GAB2: variants seen among roughly 807,000 people sequenced by gnomAD.
GAB2 encodes the protein GRB2-associated-binding protein 2.
A neutral mutation model predicts 65.5 loss-of-function variants in GAB2; 26 were observed. The observed-to-expected ratio is 0.40, with a 90% CI of 0.29 to 0.55. The LOEUF (loss-of-function observed/expected upper bound fraction) is 0.55. Ranked by LOEUF, GAB2 falls within the 20% of genes least tolerant of loss-of-function variation. GAB2 has a pLI of 0.53. For missense variants in GAB2, 884 were observed against 875.8 expected, an observed-to-expected ratio of 1.01 and a Z score of -0.12; for synonymous variants, 321 against 329.6, an observed-to-expected ratio of 0.97 and a Z score of 0.28.
At chr11:78,220,819 T>A (rs1864386570) in intron 8 of GAB2, among the ~76,000 whole-genome samples, 1 of 152,184 alleles carries the variant, frequency 6.6e-6, no homozygotes, top group East Asian at 1.9e-4. Flanking sequence ...CAACAGTGGC[T>A]CTCCTGAGAC....
chr11:78,248,636 A>G (rs528222561), intron 3 of GAB2, among the ~76,000 whole-genome samples: 72 of 152,238 alleles, frequency 4.7e-4, no homozygotes, highest in African/African-American at 1.6e-3. Flanking sequence ...AAATGTATTT[A>G]CTCTCTACTA....
chr11:78,299,032 G>C (rs1006997121), intron 1 of GAB2, among the ~76,000 whole-genome samples: 3 of 152,104 alleles, frequency 2.0e-5, no homozygotes, highest in African/African-American at 7.2e-5. Flanking sequence ...GTCTCAACAG[G>C]GATTCAGATC....
chr11:78,260,036 T>G (rs549738555), intron 2 of GAB2, among the ~76,000 whole-genome samples: 1 of 152,348 alleles, frequency 6.6e-6, no homozygotes, highest in South Asian at 2.1e-4. Flanking sequence ...TAAACATTTG[T>G]GGATCAAAGT....
intron 1 of GAB2, among the ~76,000 whole-genome samples, chr11:78,300,397 A>T (rs1866962573): frequency 6.6e-6 from 1 of 152,086 alleles, no homozygotes; most frequent in South Asian, 2.1e-4. Context: ...CATTATGAAC[A>T]AAATAGCTAT....
chr11:78,357,897 A>G (rs1230632616), intron 1 of GAB2, among the ~76,000 whole-genome samples: 3 of 152,214 alleles, frequency 2.0e-5, no homozygotes, highest in Non-Finnish European at 4.4e-5. Context: ...CAATTCCTCA[A>G]GGATCTAGAA....
rs948039263 is a variant in GAB2 at position 78,219,196 on chromosome 11, C to A, written c.*76G>T. 4 of 1,371,440 alleles carry A rather than the reference C, an allele frequency of 2.9e-6. No individual in the cohort carries two copies. The highest frequency in any genetic ancestry group is 3.1e-6 in the Non-Finnish European group (3 of 979,850). The allele number at this position is 1,371,440 out of a possible 1,614,324, so 85.0% of individuals were successfully genotyped here. On this transcript the variant is annotated 3_prime_UTR_variant, in exon 10 of 10. Transcript: ENST00000361507. ...GAGAGGAGGTGGATGGGAGGAAGAACGGGAGAGGGGAGAGGGGAGATGGGA... is the reference window on the plus strand; with the variant it reads ...GAGAGGAGGTGGATGGGAGGAAGAAAGGGAGAGGGGAGAGGGGAGATGGGA...
intron 1 of GAB2, among the ~76,000 whole-genome samples, chr11:78,410,477 C>T (rs929699389): frequency 2.0e-5 from 3 of 152,158 alleles, no homozygotes; most frequent in African/African-American, 7.2e-5. Context: ...GCACTCCACC[C>T]CAGGTGACAG....
chr11:78,226,271 C>A (rs1468846425), intron 4 of GAB2, among the ~76,000 whole-genome samples, 194 bp downstream of exon 4: 1 of 152,178 alleles, frequency 6.6e-6, no homozygotes, highest in Non-Finnish European at 1.5e-5. Flanking sequence ...TAGACAACTA[C>A]TACTAACAGC....
intron 3 of GAB2, among the ~76,000 whole-genome samples, chr11:78,227,947 G>A (rs879666555): frequency 1.3e-5 from 2 of 152,154 alleles, no homozygotes; most frequent in Non-Finnish European, 2.9e-5. Context: ...TATGAAGAAT[G>A]GTTTCCTGTT....
chr11:78,221,982 G>C, intron 7 of GAB2, 123 bp downstream of exon 7: 1 of 740,776 alleles, frequency 1.3e-6, no homozygotes, highest in Non-Finnish European at 2.4e-6. Context: ...ATCGAGACAT[G>C]ATCAGCTAAT....
chr11:78,289,374 G>A (rs1442216539), intron 1 of GAB2, among the ~76,000 whole-genome samples: 1 of 152,124 alleles, frequency 6.6e-6, no homozygotes, highest in Non-Finnish European at 1.5e-5. Flanking sequence ...ATGAATCATG[G>A]ACTTAAACGT....
intron 2 of GAB2, among the ~76,000 whole-genome samples, chr11:78,257,076 A>G (rs1197062312): frequency 6.6e-6 from 1 of 151,844 alleles, no homozygotes. Flanking sequence ...CCTTTCCACA[A>G]TCACCCCTGG....
Position 78,219,047 on chromosome 11 carries a change from T to C in GAB2, c.*225A>G. ...AGGTGGGTGGAGGCATGGCCATTACTGATAAAAATCACAGCTGGGCCCCGA... is the reference window on the plus strand; with the variant it reads ...AGGTGGGTGGAGGCATGGCCATTACCGATAAAAATCACAGCTGGGCCCCGA... On this transcript the variant is annotated 3_prime_UTR_variant, in exon 10 of 10. Transcript: ENST00000361507. The C allele has an allele frequency of 1.9e-6, 1 of 538,698 alleles. No homozygotes were observed. Among genetic ancestry groups the C allele is most frequent in the South Asian group, 2.7e-5 (1 of 37,310 alleles). The allele number at this position is 538,698 out of a possible 1,614,324, so 33.4% of individuals were successfully genotyped here. A position where few individuals can be genotyped will look rare whatever the true frequency, so the allele number is the denominator to read the frequency against.
intron 1 of GAB2, among the ~76,000 whole-genome samples, chr11:78,326,151 C>CACTTATATCTTGGAGCTTATTCT (rs1372069409): frequency 1.3e-5 from 2 of 152,132 alleles, no homozygotes; most frequent in Non-Finnish European, 2.9e-5. Context: ...TGCTTTATTC[C>CACTTATATCTTGGAGCTTATTCT]ACTTATATCT....
chr11:78,362,960 A>T (rs1171477498), intron 1 of GAB2, among the ~76,000 whole-genome samples: 3 of 152,164 alleles, frequency 2.0e-5, no homozygotes, highest in African/African-American at 7.2e-5. Flanking sequence ...ATGGCCTCGA[A>T]ATATATAAAG....
intron 1 of GAB2, among the ~76,000 whole-genome samples, chr11:78,416,316 G>A (rs1338595832): frequency 2.0e-5 from 3 of 152,146 alleles, no homozygotes; most frequent in Non-Finnish European, 4.4e-5. Context: ...CTAAGAGCCT[G>A]ATTTCATTGA....
chr11:78,266,161 G>A (rs1385581841), intron 2 of GAB2, among the ~76,000 whole-genome samples: 1 of 119,648 alleles, frequency 8.4e-6, no homozygotes, highest in East Asian at 2.5e-4. Flanking sequence ...GCTGCAGTGA[G>A]CCAAGATTAC....
chr11:78,368,265 G>C (rs920385665), intron 1 of GAB2, among the ~76,000 whole-genome samples: 1 of 152,288 alleles, frequency 6.6e-6, no homozygotes, highest in African/African-American at 2.4e-5. Flanking sequence ...CTCAACCAAT[G>C]CATCTGCCTT....
chr11:78,264,093 A>G, intron 2 of GAB2, among the ~76,000 whole-genome samples: 1 of 152,180 alleles, frequency 6.6e-6, no homozygotes, highest in South Asian at 2.1e-4. Context: ...CTGTTGTGTT[A>G]AATAGTACTG....
Sources: allele counts gnomAD v4.1 joint callset (sites outside exome capture counted in the v4.1 genomes callset), GRCh38; gene constraint gnomAD v4.1.1; transcripts MANE v1.5; gene names NCBI Gene and HGNC (gene_info 2026-07-23, HGNC 2026-07-21).